ARK2N: variants seen among roughly 807,000 people sequenced by gnomAD.
The protein encoded by ARK2N is arkadia (RNF111) N-terminal like PKA signaling regulator 2N.
chr18:46,202,473 T>G, the ARK2N span, among the ~76,000 whole-genome samples: 3 of 152,152 alleles, frequency 2.0e-5, no homozygotes, highest in Non-Finnish European at 4.4e-5. Flanking sequence ...GCTGCATTAG[T>G]GTCATTGGAG....
chr18:46,187,435 G>A, the ARK2N span, among the ~76,000 whole-genome samples: 1 of 150,764 alleles, frequency 6.6e-6, no homozygotes, highest in Non-Finnish European at 1.5e-5. Flanking sequence ...TCCGCCTCCC[G>A]GGTTCAAGCA....
chr18:46,245,489 T>G, the ARK2N span, among the ~76,000 whole-genome samples: 41 of 151,470 alleles, frequency 2.7e-4, 1 homozygote, highest in Middle Eastern at 6.8e-3. Context: ...GAGAATTGCT[T>G]GATCCCGGCA....
At chr18:46,249,453 C>T in the ARK2N span, among the ~76,000 whole-genome samples, 11 of 151,746 alleles carry the variant, frequency 7.2e-5, no homozygotes, top group African/African-American at 1.2e-4. Flanking sequence ...AGAATGGTCT[C>T]GATCTCCTGA....
the ARK2N span, among the ~76,000 whole-genome samples, chr18:46,246,141 GACAGTATTTGAAGA>G: frequency 6.6e-6 from 1 of 152,142 alleles, no homozygotes; most frequent in Non-Finnish European, 1.5e-5. Context: ...TACTACCACT[GACAGTATTTGAAGA>G]ACCTCATAGC....
the ARK2N span, among the ~76,000 whole-genome samples, chr18:46,254,668 C>CG: frequency 6.6e-6 from 1 of 152,092 alleles, no homozygotes; most frequent in Admixed American, 6.5e-5. Flanking sequence ...ATATAATCAT[C>CG]GATGTCTGTT....
the ARK2N span, among the ~76,000 whole-genome samples, chr18:46,201,137 T>TC: frequency 6.6e-5 from 10 of 151,988 alleles, no homozygotes; most frequent in South Asian, 1.5e-3. Context: ...TGCCACCATG[T>TC]CCTGCTAATT....
chr18:46,208,670 A>C, the ARK2N span, among the ~76,000 whole-genome samples: 25 of 151,686 alleles, frequency 1.6e-4, no homozygotes, highest in Non-Finnish European at 2.9e-4. Flanking sequence ...GGGTTTCACC[A>C]TGTTGGCCAG....
the ARK2N span, among the ~76,000 whole-genome samples, chr18:46,195,204 C>T: frequency 2.0e-5 from 3 of 151,556 alleles, no homozygotes; most frequent in African/African-American, 7.3e-5. Flanking sequence ...CCACATTTTG[C>T]CATTTGTTTT....
the ARK2N span, among the ~76,000 whole-genome samples, chr18:46,250,593 T>C: frequency 6.6e-6 from 1 of 151,708 alleles, no homozygotes; most frequent in South Asian, 2.1e-4. Flanking sequence ...TCTAACTGGT[T>C]TTGTTGCCTC....
At chr18:46,254,197 C>T in the ARK2N span, among the ~76,000 whole-genome samples, 1 of 152,178 alleles carries the variant, frequency 6.6e-6, no homozygotes, top group African/African-American at 2.4e-5. Flanking sequence ...ATACTAGGAG[C>T]AAACAGTTGG....
chr18:46,247,756 C>T, the ARK2N span, among the ~76,000 whole-genome samples: 70 of 152,276 alleles, frequency 4.6e-4, no homozygotes, highest in African/African-American at 1.6e-3. Context: ...ACTGCAATCT[C>T]GGCCTCCTGG....
chr18:46,247,206 A>G, the ARK2N span, among the ~76,000 whole-genome samples: 15 of 152,200 alleles, frequency 9.9e-5, no homozygotes, highest in Non-Finnish European at 1.8e-4. Context: ...TATAAAATTA[A>G]CAAAAGTAGC....
chr18:46,177,508 T>C, the ARK2N span, among the ~76,000 whole-genome samples: 1 of 148,438 alleles, frequency 6.7e-6, no homozygotes, highest in Non-Finnish European at 1.5e-5. Flanking sequence ...CTTGGCTCAC[T>C]GCAAACTCTG....
the ARK2N span, among the ~76,000 whole-genome samples, chr18:46,192,934 C>T: frequency 1.3e-5 from 2 of 150,410 alleles, no homozygotes; most frequent in Non-Finnish European, 3.0e-5. Context: ...CAGTGGCTCA[C>T]GCCTGGAATC....
At chr18:46,213,143 A>G in the ARK2N span, among the ~76,000 whole-genome samples, 1 of 151,670 alleles carries the variant, frequency 6.6e-6, no homozygotes, top group Admixed American at 6.6e-5. Context: ...CTGAGATTAC[A>G]GGTGCCTGCC....
At chr18:46,218,506 T>C in the ARK2N span, 4 of 152,190 alleles carry the variant, frequency 2.6e-5, no homozygotes, top group African/African-American at 9.7e-5. Flanking sequence ...GGAGGTCTTA[T>C]GGTATACCTG....
At chr18:46,246,287 G>C in the ARK2N span, among the ~76,000 whole-genome samples, 1 of 152,212 alleles carries the variant, frequency 6.6e-6, no homozygotes, top group Non-Finnish European at 1.5e-5. Flanking sequence ...AAAGGCCAGA[G>C]AATGTCAGGT....
the ARK2N span, among the ~76,000 whole-genome samples, chr18:46,246,251 G>A: frequency 6.6e-6 from 1 of 152,140 alleles, no homozygotes; most frequent in Non-Finnish European, 1.5e-5. Context: ...GAGGCGGGGT[G>A]GGGAGGGGCA....
the ARK2N span, among the ~76,000 whole-genome samples, chr18:46,229,410 C>T: frequency 2.6e-5 from 4 of 151,986 alleles, no homozygotes; most frequent in Admixed American, 1.3e-4. Context: ...TGCAGTGGCG[C>T]GATCTCAGCT....
Sources: allele counts gnomAD v4.1 joint callset (sites outside exome capture counted in the v4.1 genomes callset), GRCh38; gene constraint gnomAD v4.1.1; transcripts MANE v1.5; gene names NCBI Gene and HGNC (gene_info 2026-07-23, HGNC 2026-07-21).